KCNIP4: variants seen among roughly 807,000 people sequenced by gnomAD.
The protein encoded by KCNIP4 is potassium voltage-gated channel interacting protein 4.
Under a neutral mutation model 34.0 loss-of-function variants are expected in KCNIP4, and 12 were observed. The ratio of observed to expected loss-of-function variants is 0.35; its 90% CI spans 0.23 to 0.57. KCNIP4 has a LOEUF of 0.57. Ranked by LOEUF, KCNIP4 falls within the 20% of genes least tolerant of loss-of-function variation. KCNIP4 has a pLI of 0.83. For synonymous variants in KCNIP4, 124 were observed against 102.2 expected, an observed-to-expected ratio of 1.21 and a Z score of -1.29; for missense variants, 238 against 311.7, an observed-to-expected ratio of 0.76 and a Z score of 1.78.
rs533514929 is a variant in KCNIP4 at position 21,605,630 on chromosome 4, G to A, written c.61+342941C>T. On this transcript the variant is annotated intron_variant, in intron 1 of 8. Coordinates refer to ENST00000382152, the MANE Select transcript of KCNIP4 (RefSeq NM_025221.6). ...AGAGTAGCTGGTACTACAGGTGCCC[G>A]CCACCACACCCAGCTAATTTTTGTA... 2.3e-3 allele frequency among the ~76,000 whole-genome samples: 352 copies of A among 151,970 alleles called. 2 individuals are homozygous for A. Among genetic ancestry groups the A allele is most frequent in the African/African-American group, 7.9e-3 (329 of 41,446 alleles).
intron 1 of KCNIP4, among the ~76,000 whole-genome samples, chr4:21,882,158 C>T (rs1294034798): frequency 6.6e-6 from 1 of 152,100 alleles, no homozygotes; most frequent in Non-Finnish European, 1.5e-5. Context: ...AATTACTGCA[C>T]AGTTTAATAG....
intron 1 of KCNIP4, among the ~76,000 whole-genome samples, chr4:21,005,770 T>C (rs1738497612): frequency 6.6e-6 from 1 of 152,126 alleles, no homozygotes; most frequent in Admixed American, 6.6e-5. Flanking sequence ...GTGACTTTGG[T>C]TATAGTGAAG....
intron 1 of KCNIP4, among the ~76,000 whole-genome samples, chr4:21,492,694 A>G (rs1020417193): frequency 6.6e-6 from 1 of 152,188 alleles, no homozygotes; most frequent in Non-Finnish European, 1.5e-5. Context: ...AATTCTTTGA[A>G]GCGTATTTCT....
At chr4:20,811,823 C>T (rs1715804112) in intron 3 of KCNIP4, among the ~76,000 whole-genome samples, 1 of 152,096 alleles carries the variant, frequency 6.6e-6, no homozygotes, top group South Asian at 2.1e-4. Flanking sequence ...CATGAAGTTG[C>T]TTATGATCTT....
At chr4:21,405,945 C>T (rs1210297525) in intron 1 of KCNIP4, among the ~76,000 whole-genome samples, 1 of 152,220 alleles carries the variant, frequency 6.6e-6, no homozygotes, top group Non-Finnish European at 1.5e-5. Flanking sequence ...AAGCGATTCT[C>T]CTGCCTCAGC....
chr4:21,516,512 T>C (rs1431425631), intron 1 of KCNIP4, among the ~76,000 whole-genome samples: 3 of 152,262 alleles, frequency 2.0e-5, no homozygotes, highest in Non-Finnish European at 4.4e-5. Context: ...CAAACTAAAT[T>C]GGTTGTTGAC....
intron 1 of KCNIP4, among the ~76,000 whole-genome samples, chr4:21,641,821 C>T (rs895442860): frequency 6.6e-6 from 1 of 152,160 alleles, no homozygotes; most frequent in East Asian, 1.9e-4. Context: ...GAAACACGAA[C>T]TTCCCTCTCC....
intron 1 of KCNIP4, among the ~76,000 whole-genome samples, chr4:21,178,337 C>T (rs987236674): frequency 3.9e-5 from 6 of 152,024 alleles, no homozygotes; most frequent in Admixed American, 2.6e-4. Context: ...TTGGTTGGAA[C>T]GAAGATTTTG....
chr4:21,065,732 A>C (rs1481206437), intron 1 of KCNIP4, among the ~76,000 whole-genome samples: 1 of 84,156 alleles, frequency 1.2e-5, no homozygotes, highest in Non-Finnish European at 2.5e-5. Flanking sequence ...TTGTCTATAT[A>C]TATATATATA....
intron 1 of KCNIP4, chr4:21,849,339 A>C (rs1578066963): frequency 6.6e-6 from 1 of 152,182 alleles, no homozygotes; most frequent in African/African-American, 2.4e-5. Context: ...CCACTGTGTT[A>C]GCACGTAATT....
chr4:21,349,792 A>G (rs1051973284), intron 1 of KCNIP4, among the ~76,000 whole-genome samples: 4 of 152,198 alleles, frequency 2.6e-5, no homozygotes, highest in African/African-American at 9.7e-5. Context: ...AGTAGCTAAT[A>G]TCACAGGAAA....
chr4:21,563,890 T>G (rs1739643167), intron 1 of KCNIP4, among the ~76,000 whole-genome samples: 1 of 152,086 alleles, frequency 6.6e-6, no homozygotes, highest in African/African-American at 2.4e-5. Flanking sequence ...CTGTTTTGAG[T>G]GCATGATATA....
chr4:21,739,432 G>A (rs902847877), intron 1 of KCNIP4, among the ~76,000 whole-genome samples: 1 of 151,952 alleles, frequency 6.6e-6, no homozygotes, highest in Non-Finnish European at 1.5e-5. Flanking sequence ...ACTTTTTAAA[G>A]CTTACAGCTC....
intron 3 of KCNIP4, among the ~76,000 whole-genome samples, chr4:20,832,543 T>C (rs538982867): frequency 6.6e-6 from 1 of 152,256 alleles, no homozygotes; most frequent in African/African-American, 2.4e-5. Flanking sequence ...ATTTTATTGG[T>C]CATATTATAT....
At chr4:20,783,478 G>A (rs561699840) in intron 3 of KCNIP4, among the ~76,000 whole-genome samples, 54 of 152,254 alleles carry the variant, frequency 3.5e-4, no homozygotes, top group African/African-American at 1.1e-3. Flanking sequence ...TTCTTACATG[G>A]CAGCAGCAAG....
chr4:21,510,353 A>G (rs1734207908), intron 1 of KCNIP4, among the ~76,000 whole-genome samples: 1 of 152,150 alleles, frequency 6.6e-6, no homozygotes, highest in African/African-American at 2.4e-5. Context: ...GTTTAAAACA[A>G]GGACTTTATT....
intron 1 of KCNIP4, among the ~76,000 whole-genome samples, chr4:21,632,570 G>T (rs1745843186): frequency 6.6e-6 from 1 of 152,078 alleles, no homozygotes; most frequent in Non-Finnish European, 1.5e-5. Flanking sequence ...TCATGCAATT[G>T]CTCTTATTGA....
chr4:20,963,710 A>T (rs1450249865), intron 1 of KCNIP4, among the ~76,000 whole-genome samples: 1 of 152,124 alleles, frequency 6.6e-6, no homozygotes, highest in African/African-American at 2.4e-5. Flanking sequence ...AGGGCACTAG[A>T]CATGATTTTA....
intron 1 of KCNIP4, among the ~76,000 whole-genome samples, chr4:21,009,817 A>G (rs1738912574): frequency 6.6e-6 from 1 of 152,216 alleles, no homozygotes; most frequent in South Asian, 2.1e-4. Flanking sequence ...ACGTTCACAC[A>G]GGGAAAAATT....
Sources: gnomAD v4.1 joint callset for allele counts (sites outside exome capture counted in the v4.1 genomes callset) on GRCh38, gnomAD v4.1.1 for gene constraint, MANE v1.5 for transcripts, NCBI Gene and HGNC (gene_info 2026-07-23, HGNC 2026-07-21) for gene names.